Variants in ULK4 observed in about 807,000 individuals in gnomAD.
ULK4 encodes unc-51 like kinase 4.
In ULK4, 133 loss-of-function variants were observed where a neutral mutation model predicts 160.6. The ratio of observed to expected loss-of-function variants is 0.83; its 90% confidence interval spans 0.72 to 0.96. ULK4 has a LOEUF of 0.96. Among genes scored for constraint, ULK4 ranks in the 40% least tolerant of loss-of-function variants. ULK4 has a pLI of 0.00. For missense variants in ULK4, 1,580 were observed against 1,499.5 expected, an observed-to-expected ratio of 1.05 and a Z score of -0.89; for synonymous variants, 534 against 539.8, an observed-to-expected ratio of 0.99 and a Z score of 0.15.
chr3:41,294,599 C>T (rs2079633497), intron 35 of ULK4, among the ~76,000 whole-genome samples: 1 of 152,100 alleles, frequency 6.6e-6, no homozygotes, highest in African/African-American at 2.4e-5. Context: ...GTCAAAATGG[C>T]CGGCAGTAGT....
intron 34 of ULK4, among the ~76,000 whole-genome samples, chr3:41,418,037 T>C (rs1025133489): frequency 6.6e-6 from 1 of 152,136 alleles, no homozygotes; most frequent in African/African-American, 2.4e-5. Context: ...ACAAGCCTTG[T>C]TAAATTAACC....
At chr3:41,616,456 T>G (rs1213501901) in intron 30 of ULK4, among the ~76,000 whole-genome samples, 1 of 152,136 alleles carries the variant, frequency 6.6e-6, no homozygotes, top group East Asian at 1.9e-4. Context: ...TTCATCTCAC[T>G]GGGACTGATT....
intron 35 of ULK4, among the ~76,000 whole-genome samples, chr3:41,339,343 G>T (rs1340668613): frequency 1.3e-5 from 2 of 152,096 alleles, no homozygotes; most frequent in African/African-American, 2.4e-5. Context: ...CCCACACAAT[G>T]CCCCTTGCCA....
At position 41,890,495 on chromosome 3, in the gene ULK4, C is replaced by G. The variant is rs1697885599; in HGVS notation, c.1577+5023G>C. 3.3e-5 allele frequency among the ~76,000 whole-genome samples: 5 copies of G among 151,888 alleles called. No homozygotes were observed. The South Asian group carries it at 1.0e-3, about 32-fold the overall frequency. ...AGGAGTTTGAGACCAGCCTGGCCAA[C>G]ATGGTGAAAACCCATCTCTACTAAA... On this transcript the variant is annotated intron_variant, in intron 16 of 36. Transcript: ENST00000301831.
chr3:41,798,510 A>C (rs1054571229), intron 20 of ULK4, among the ~76,000 whole-genome samples: 3 of 152,102 alleles, frequency 2.0e-5, no homozygotes, highest in Admixed American at 2.0e-4. Flanking sequence ...ATATCCATTG[A>C]TCTTCAAGAT....
intron 32 of ULK4, among the ~76,000 whole-genome samples, 172 bp downstream of exon 32, chr3:41,565,853 T>C (rs2087762807): frequency 6.6e-6 from 1 of 152,162 alleles, no homozygotes; most frequent in African/African-American, 2.4e-5. Context: ...AGAGAATGAA[T>C]TAACTTAGAG....
chr3:41,405,165 T>C (rs929312763), intron 34 of ULK4, among the ~76,000 whole-genome samples: 5 of 152,184 alleles, frequency 3.3e-5, no homozygotes, highest in Admixed American at 2.6e-4. Context: ...GTGTCTATTT[T>C]TGCCATCTTT....
intron 35 of ULK4, among the ~76,000 whole-genome samples, chr3:41,251,563 G>A (rs1465383957): frequency 6.6e-6 from 1 of 152,144 alleles, no homozygotes; most frequent in African/African-American, 2.4e-5. Flanking sequence ...AAAAGCCCTA[G>A]AAGAAACCCA....
intron 30 of ULK4, among the ~76,000 whole-genome samples, chr3:41,649,377 C>A (rs558688243): frequency 1.3e-5 from 2 of 152,160 alleles, no homozygotes; most frequent in East Asian, 1.9e-4. Context: ...GGGCAGGGTA[C>A]CTGTGCACCT....
intron 32 of ULK4, among the ~76,000 whole-genome samples, chr3:41,543,604 T>C (rs1463471009): frequency 6.6e-6 from 1 of 152,186 alleles, no homozygotes; most frequent in Non-Finnish European, 1.5e-5. Context: ...ATCTCTGTTA[T>C]AAGTCTCTTC....
intron 12 of ULK4, among the ~76,000 whole-genome samples, chr3:41,902,065 A>G (rs1012031551): frequency 1.9e-4 from 29 of 149,792 alleles, no homozygotes; most frequent in African/African-American, 5.6e-4. Flanking sequence ...CCCAACAGGG[A>G]AAAAAAAAAG....
At chr3:41,604,860 G>C (rs978386366) in intron 31 of ULK4, among the ~76,000 whole-genome samples, 4 of 152,076 alleles carry the variant, frequency 2.6e-5, no homozygotes, top group Admixed American at 1.3e-4. Context: ...GCAGCAGAGA[G>C]GGGATAAATA....
intron 35 of ULK4, among the ~76,000 whole-genome samples, chr3:41,370,314 G>C (rs141046412): frequency 2.2e-4 from 33 of 152,304 alleles, no homozygotes; most frequent in African/African-American, 7.9e-4. Context: ...AGAAACCAGA[G>C]ACTATCACTT....
chr3:41,371,866 T>C (rs2081375700), intron 35 of ULK4, among the ~76,000 whole-genome samples: 1 of 152,146 alleles, frequency 6.6e-6, no homozygotes. Flanking sequence ...GAGCATCTTC[T>C]AGCCCAATGC....
intron 2 of ULK4, among the ~76,000 whole-genome samples, chr3:41,954,047 T>C (rs1700395535): frequency 6.6e-6 from 1 of 151,528 alleles, no homozygotes; most frequent in African/African-American, 2.4e-5. Context: ...CTGGGTGTGG[T>C]GTCGGGCACC....
chr3:41,317,850 T>TG (rs2080175085), intron 35 of ULK4, among the ~76,000 whole-genome samples: 1 of 152,198 alleles, frequency 6.6e-6, no homozygotes, highest in Admixed American at 6.5e-5. Flanking sequence ...TACCTTCCAG[T>TG]GATTACAGAC....
chr3:41,393,235 C>G (rs184910859), intron 35 of ULK4, among the ~76,000 whole-genome samples: 1 of 152,172 alleles, frequency 6.6e-6, no homozygotes, highest in Non-Finnish European at 1.5e-5. Context: ...GTGATAGCTA[C>G]TATGGTAAAG....
intron 35 of ULK4, among the ~76,000 whole-genome samples, chr3:41,291,265 A>T (rs2079555208): frequency 6.6e-6 from 1 of 151,330 alleles, no homozygotes; most frequent in African/African-American, 2.4e-5. Context: ...TAGTAATAGG[A>T]GAGTGAGAGA....
rs1322919557 is a variant in ULK4 at position 41,883,952 on chromosome 3, T to C, written c.1578A>G (p.Ile526Met). Residue 526 changes from isoleucine to methionine, a missense_variant and splice_region_variant, in exon 17 of 37, where the codon ATA (isoleucine) becomes ATG (methionine). Coordinates refer to ENST00000301831, the MANE Select transcript of ULK4 (RefSeq NM_017886.4). ...QHLRIAPNWD[I>M]RAKVAHVIGL... ...CAATTACGTGAGCAACCTTGGCCCG[T>C]CTGTAAATGGAGAGAAAACAGGCTC... The C allele has an allele frequency of 5.0e-6, 8 of 1,606,326 alleles. No homozygotes were observed. The highest frequency in any genetic ancestry group is 3.3e-4 in the Middle Eastern group (2 of 6,054).
Sources: gnomAD v4.1 joint callset for allele counts (sites outside exome capture counted in the v4.1 genomes callset) on GRCh38, gnomAD v4.1.1 for gene constraint, MANE v1.5 for transcripts, NCBI Gene and HGNC (gene_info 2026-07-23, HGNC 2026-07-21) for gene names.